IPPK: variants seen among roughly 807,000 people sequenced by gnomAD.
IPPK encodes the protein IPK1 homolog.
Under a neutral mutation model 64.6 loss-of-function variants are expected in IPPK, and 22 were observed. The ratio of observed to expected loss-of-function variants is 0.34; its 90% CI spans 0.24 to 0.49. IPPK has a LOEUF of 0.49. Among genes scored for constraint, IPPK ranks in the 20% least tolerant of loss-of-function variants. IPPK has a pLI of 0.99. For synonymous variants in IPPK, 262 were observed against 247.2 expected (o/e 1.06, Z -0.56); for missense variants, 532 against 630.7 (o/e 0.84, Z 1.68).
intron 6 of IPPK, among the ~76,000 whole-genome samples, 191 bp from the exon 7 acceptor site, chr9:92,643,001 A>G (rs940231579): frequency 1.3e-5 from 2 of 152,266 alleles, no homozygotes; most frequent in Admixed American, 1.3e-4. Context: ...CTTCCATTCA[A>G]GGAAACCTTG....
chr9:92,625,370 A>G (rs1851715297), intron 11 of IPPK, among the ~76,000 whole-genome samples: 1 of 152,346 alleles, frequency 6.6e-6, no homozygotes, highest in South Asian at 2.1e-4. Context: ...GCAATTTTAC[A>G]TCTAAAAATC....
Position 92,638,004 on chromosome 9 carries a change from G to A in IPPK, c.913C>T (p.Gln305Ter). 1.3e-6 allele frequency: 2 copies of A among 1,565,532 alleles called. No individual in the cohort carries two copies. The highest frequency in any genetic ancestry group is 1.7e-6 in the Non-Finnish European group (2 of 1,154,400). Residue 305 changes from glutamine (Q) to a stop codon, truncating the protein, a stop_gained, in exon 9 of 13, where the codon CAA (glutamine) becomes TAA (stop). Coordinates refer to ENST00000287996, the MANE Select transcript of IPPK (RefSeq NM_022755.6). LOFTEE classifies it high-confidence loss of function. ...CCTGGGGAAGGCTGGGCCCTACCTT[G>A]GCAGCGAAGGCTCCTACTGAAAGGG... ...ASPFSRSLRC[Q>*]GKNTPERSGL...
At chr9:92,634,803 A>G (rs768855268) in intron 10 of IPPK, among the ~76,000 whole-genome samples, 6 of 152,164 alleles carry the variant, frequency 3.9e-5, no homozygotes, top group Non-Finnish European at 5.9e-5. Flanking sequence ...GTGGACCCCA[A>G]TGACCCGCAG....
intron 2 of IPPK, among the ~76,000 whole-genome samples, chr9:92,657,479 C>T (rs551293902): frequency 1.1e-4 from 17 of 152,312 alleles, no homozygotes; most frequent in African/African-American, 3.8e-4. Flanking sequence ...AGACACTGCC[C>T]CGGCCACTCC....
intron 1 of IPPK, 72 bp downstream of exon 1, chr9:92,669,836 G>C: frequency 8.6e-7 from 1 of 1,165,624 alleles, no homozygotes; most frequent in South Asian, 1.3e-5. Context: ...TTGAGGAAAC[G>C]GATAATGGGG....
At position 92,635,387 on chromosome 9, in the gene IPPK, G is replaced by A. The variant is rs138491667; in HGVS notation, c.917-79C>T. 192 of 1,458,886 alleles carry A rather than the reference G, an allele frequency of 1.3e-4. No individual in the cohort carries two copies. Among genetic ancestry groups the A allele is most frequent in the African/African-American group, 1.2e-3 (85 of 70,956 alleles). The allele number at this position is 1,458,886 out of a possible 1,614,324, so 90.4% of individuals were successfully genotyped here. On this transcript the variant is annotated intron_variant, in intron 9 of 12. Coordinates refer to ENST00000287996, the MANE Select transcript of IPPK (RefSeq NM_022755.6). The surrounding 1 kb of genome is among the most constrained non-coding windows in gnomAD (Gnocchi z 4.4). ...AGGGAGACACAGGCCGGCGCAGACC[G>A]CAGGGCTCATCCTGGGCTCCGCCAT...
intron 9 of IPPK, among the ~76,000 whole-genome samples, chr9:92,636,621 A>G: frequency 6.6e-6 from 1 of 151,846 alleles, no homozygotes; most frequent in South Asian, 2.1e-4. Context: ...AGCCTGGGCA[A>G]CAGAAACAGA....
intron 1 of IPPK, among the ~76,000 whole-genome samples, chr9:92,663,702 A>G (rs1022082691): frequency 6.6e-6 from 1 of 152,212 alleles, no homozygotes. Flanking sequence ...GCTACTAACT[A>G]CAAGAGCCTT....
At chr9:92,623,894 A>G (rs1313099836) in intron 11 of IPPK, among the ~76,000 whole-genome samples, 1 of 152,248 alleles carries the variant, frequency 6.6e-6, no homozygotes, top group Admixed American at 6.5e-5. Context: ...TGTACACAAA[A>G]TCTGTACAAG....
chr9:92,661,034 G>A (rs1852471716), intron 1 of IPPK, among the ~76,000 whole-genome samples: 1 of 152,174 alleles, frequency 6.6e-6, no homozygotes. Context: ...CATTCTTCCT[G>A]CTAGCACTTA....
In IPPK at chr9:92,652,584, G is replaced by A. The variant is rs756608925; in HGVS notation, c.281C>T (p.Ser94Phe). The change falls in exon 4 of 13, where the codon TCT (serine) becomes TTT (phenylalanine). Residue 94 changes from serine (S) to phenylalanine (F), a missense_variant. By Grantham distance (155) the Ser-to-Phe change is radical. Transcript: ENST00000287996. ...FVKQLCLKIQ[S>F]ERPESRCDKD... ...TTAAACACCCTTACCTGGTCTTTCAGATTGTATCTTTAAACAAAGCTGTTT... is the reference window on the plus strand; with the variant it reads ...TTAAACACCCTTACCTGGTCTTTCAAATTGTATCTTTAAACAAAGCTGTTT... The A allele has an allele frequency of 1.3e-6, 2 of 1,555,830 alleles. No individual in the cohort carries two copies. Among genetic ancestry groups the A allele is most frequent in the African/African-American group, 1.4e-5 (1 of 73,796 alleles).
At chr9:92,639,891 G>A (rs919531932) in intron 8 of IPPK, among the ~76,000 whole-genome samples, 1 of 152,176 alleles carries the variant, frequency 6.6e-6, no homozygotes, top group African/African-American at 2.4e-5. Flanking sequence ...GTCAAGAGCA[G>A]GCGCCATCTG....
chr9:92,637,482 A>C (rs953690712), intron 9 of IPPK, among the ~76,000 whole-genome samples: 1 of 152,136 alleles, frequency 6.6e-6, no homozygotes, highest in Admixed American at 6.5e-5. Context: ...AGATGTCAGG[A>C]CATGTGGCAG....
chr9:92,649,381 G>C (rs964689539), intron 5 of IPPK, 72 bp downstream of exon 5: 1 of 1,573,256 alleles, frequency 6.4e-7, no homozygotes, highest in South Asian at 1.1e-5. Flanking sequence ...CCCAAGGCAC[G>C]TGACTCTTGG....
At chr9:92,648,910 G>A (rs905167013) in intron 5 of IPPK, among the ~76,000 whole-genome samples, 2 of 152,236 alleles carry the variant, frequency 1.3e-5, no homozygotes, top group African/African-American at 4.8e-5. Context: ...CAGGACTCCT[G>A]GCCATGACAC....
At chr9:92,630,900 A>G (rs1293503989) in intron 11 of IPPK, among the ~76,000 whole-genome samples, 16 of 152,200 alleles carry the variant, frequency 1.1e-4, no homozygotes, top group Admixed American at 1.0e-3. Flanking sequence ...AAAACTAATA[A>G]GTAAAAGTAC....
At chr9:92,641,002 C>G (rs537518728) in intron 7 of IPPK, among the ~76,000 whole-genome samples, 2 of 152,316 alleles carry the variant, frequency 1.3e-5, no homozygotes, top group African/African-American at 2.4e-5. Context: ...CAGCCTGACA[C>G]GCACTCACCA....
intron 11 of IPPK, among the ~76,000 whole-genome samples, chr9:92,623,918 G>A (rs1049520012): frequency 3.3e-5 from 5 of 152,270 alleles, no homozygotes; most frequent in East Asian, 1.9e-4. Context: ...ATTCATAACC[G>A]CCAAAAACTA....
chr9:92,627,976 AC>A (rs1851765096), intron 11 of IPPK, among the ~76,000 whole-genome samples: 1 of 152,234 alleles, frequency 6.6e-6, no homozygotes. Flanking sequence ...ATTAGAACAT[AC>A]AAACTCGGCA....
Sources: allele counts gnomAD v4.1 joint callset (sites outside exome capture counted in the v4.1 genomes callset), GRCh38; gene constraint gnomAD v4.1.1; non-coding constraint Gnocchi (gnomAD v3.1); transcripts MANE v1.5; gene names NCBI Gene and HGNC (gene_info 2026-07-23, HGNC 2026-07-21).